C1orf105: variants seen among roughly 807,000 people sequenced by gnomAD.
C1orf105 encodes the protein chromosome 1 open reading frame 105, also known as uncharacterized protein C1orf105.
Under a neutral mutation model 20.8 loss-of-function variants are expected in C1orf105, and 17 were observed. The ratio of observed to expected loss-of-function variants is 0.82; its 90% CI spans 0.56 to 1.23. C1orf105 has a LOEUF of 1.23. Ranked by LOEUF, C1orf105 falls within the 50% of genes most tolerant of loss-of-function variation. The pLI is 0.00. For synonymous variants in C1orf105, 72 were observed against 72.1 expected (o/e 1.00, Z 0.01); for missense variants, 219 against 213.5 (o/e 1.03, Z -0.16).
chr1:172,443,003 T>G lies in C1orf105; in HGVS notation c.22-2070T>G, dbSNP rs1647496208. ...TTGAAAATTATAATTCCTTGAATAA[T>G]AATAGACATCTGTTAGCTATCGCTT... is the stretch of plus-strand genomic sequence containing the variant. On this transcript the variant is annotated intron_variant, in intron 1 of 6. Transcript: ENST00000367727. The G allele has an allele frequency of 6.8e-5, 13 of 190,694 alleles. No individual in the cohort carries two copies. The South Asian group carries it at 1.8e-3, about 26-fold the overall frequency. The allele number at this position is 190,694 out of a possible 1,614,324, so 11.8% of individuals were successfully genotyped here. A position where few individuals can be genotyped will look rare whatever the true frequency, so the allele number is the denominator to read the frequency against.
intron 1 of C1orf105, among the ~76,000 whole-genome samples, chr1:172,440,114 T>G (rs2149167401): frequency 6.6e-6 from 1 of 152,342 alleles, no homozygotes; most frequent in East Asian, 1.9e-4. Flanking sequence ...CAAAGTCATG[T>G]CCCAGACATT....
intron 3 of C1orf105, among the ~76,000 whole-genome samples, chr1:172,454,053 A>G (rs561672898): frequency 2.6e-5 from 4 of 152,212 alleles, no homozygotes; most frequent in Non-Finnish European, 5.9e-5. Context: ...CTTGATTTGC[A>G]ATGAGCTCTG....
At chr1:172,420,947 G>T in intron 1 of C1orf105, 41 bp downstream of exon 1, 2 of 1,560,792 alleles carry the variant, frequency 1.3e-6, no homozygotes, top group South Asian at 2.3e-5. Flanking sequence ...CTTTCCTTAT[G>T]GGGTTACCCT....
At chr1:172,444,242 G>A in intron 1 of C1orf105, 8 of 985,442 alleles carry the variant, frequency 8.1e-6, no homozygotes, top group Non-Finnish European at 9.6e-6. Context: ...CAAATCCCCA[G>A]CAATCCCCTA....
chr1:172,429,099 A>C (rs984585704), intron 1 of C1orf105, among the ~76,000 whole-genome samples: 2 of 152,252 alleles, frequency 1.3e-5, no homozygotes, highest in African/African-American at 4.8e-5. Flanking sequence ...TAAGAAAAGC[A>C]AAGTATTAGC....
chr1:172,427,572 C>A (rs1323369155), intron 1 of C1orf105, among the ~76,000 whole-genome samples: 2 of 152,150 alleles, frequency 1.3e-5, no homozygotes, highest in Non-Finnish European at 2.9e-5. Context: ...GGTTTTTATT[C>A]CAGCACTCCA....
intron 4 of C1orf105, among the ~76,000 whole-genome samples, chr1:172,458,937 A>G (rs1181804867): frequency 2.6e-5 from 4 of 152,202 alleles, no homozygotes; most frequent in Non-Finnish European, 5.9e-5. Flanking sequence ...AGACAGTTCA[A>G]TGAGGAAAGA....
intron 3 of C1orf105, among the ~76,000 whole-genome samples, chr1:172,456,026 T>C (rs962654138): frequency 3.3e-5 from 5 of 152,200 alleles, no homozygotes; most frequent in African/African-American, 1.2e-4. Flanking sequence ...GTGGAGCCTT[T>C]TTATGAAATG....
At chr1:172,424,392 TTTTTA>T (rs2071670725) in intron 1 of C1orf105, among the ~76,000 whole-genome samples, 1 of 152,188 alleles carries the variant, frequency 6.6e-6, no homozygotes, top group Admixed American at 6.5e-5. Context: ...TCCCTTCTCT[TTTTTA>T]TTTTGTTTTT....
At chr1:172,437,175 G>A (rs1412778407) in intron 1 of C1orf105, among the ~76,000 whole-genome samples, 1 of 152,174 alleles carries the variant, frequency 6.6e-6, no homozygotes, top group East Asian at 1.9e-4. Context: ...AAGACAGTGT[G>A]GCGATTCCTC....
At chr1:172,463,552 TA>T (rs1482786194) in intron 5 of C1orf105, among the ~76,000 whole-genome samples, 1 of 152,218 alleles carries the variant, frequency 6.6e-6, no homozygotes, top group Non-Finnish European at 1.5e-5. Flanking sequence ...TCTACATTTT[TA>T]AAGAGCTCTT....
intron 1 of C1orf105, among the ~76,000 whole-genome samples, chr1:172,432,666 G>T (rs2071908330): frequency 6.6e-6 from 1 of 152,210 alleles, no homozygotes; most frequent in African/African-American, 2.4e-5. Flanking sequence ...GGAGAAACCA[G>T]AGAAGAAAAG....
intron 2 of C1orf105, among the ~76,000 whole-genome samples, chr1:172,445,738 A>C (rs2149174093): frequency 6.6e-6 from 1 of 152,292 alleles, no homozygotes; most frequent in East Asian, 1.9e-4. Flanking sequence ...ATGGTTCCTA[A>C]GTGTAGTGAT....
At chr1:172,441,477 T>C (rs977569886) in intron 1 of C1orf105, 12 of 324,998 alleles carry the variant, frequency 3.7e-5, no homozygotes, top group Non-Finnish European at 5.6e-5. Flanking sequence ...ATTTTTTTAA[T>C]AGAAACCACA....
chr1:172,420,707 T>C lies in C1orf105; in HGVS notation c.-179T>C, dbSNP rs1259836036. On this transcript the variant is annotated 5_prime_UTR_variant, in exon 1 of 7. Transcript: ENST00000367727. ...TTCAAGATGTAAATCACACAGATGT[T>C]GGTAGAGAAAAAGGCATACTGGTAT... 1 of 619,742 alleles carries C rather than the reference T, an allele frequency of 1.6e-6. No individual in the cohort carries two copies. Among genetic ancestry groups the C allele is most frequent in the East Asian group, 3.0e-5 (1 of 33,460 alleles). The allele number at this position is 619,742 out of a possible 1,614,324, so 38.4% of individuals were successfully genotyped here. A position where few individuals can be genotyped will look rare whatever the true frequency, so the allele number is the denominator to read the frequency against.
chr1:172,427,189 C>T (rs931394355), intron 1 of C1orf105, among the ~76,000 whole-genome samples: 2 of 152,204 alleles, frequency 1.3e-5, no homozygotes, highest in African/African-American at 4.8e-5. Context: ...TTGAAGCAAT[C>T]AGAAAAGAAC....
At chr1:172,459,925 T>C (rs1649569757) in intron 4 of C1orf105, among the ~76,000 whole-genome samples, 2 of 152,198 alleles carry the variant, frequency 1.3e-5, no homozygotes, top group Admixed American at 6.5e-5. Context: ...AACATTTTGC[T>C]AAGTAAAAGA....
intron 3 of C1orf105, among the ~76,000 whole-genome samples, chr1:172,452,051 T>G (rs1261044438): frequency 1.3e-5 from 2 of 151,876 alleles, no homozygotes; most frequent in Non-Finnish European, 2.9e-5. Context: ...TTTTGTATTT[T>G]TAGTAGAGAG....
chr1:172,465,507 T>C (rs1182767302), intron 6 of C1orf105, 144 bp downstream of exon 6: 1 of 732,870 alleles, frequency 1.4e-6, no homozygotes, highest in Admixed American at 2.0e-5. Context: ...TATTGTCTTT[T>C]GACCTGCTGG....
Sources: allele counts gnomAD v4.1 joint callset (sites outside exome capture counted in the v4.1 genomes callset), GRCh38; gene constraint gnomAD v4.1.1; transcripts MANE v1.5; gene names NCBI Gene and HGNC (gene_info 2026-07-23, HGNC 2026-07-21).